The following TMEM132D variants were observed in gnomAD, a reference collection of about 807,000 sequenced individuals.
TMEM132D encodes the protein mature OL transmembrane protein.
In TMEM132D, 21 loss-of-function variants were observed where a neutral mutation model predicts 62.3. The ratio of observed to expected loss-of-function variants is 0.34; its 90% CI spans 0.24 to 0.49. TMEM132D has a LOEUF of 0.49. Among genes scored for constraint, TMEM132D ranks in the 20% least tolerant of loss-of-function variants. The pLI, the probability that TMEM132D is intolerant of heterozygous loss-of-function variation, is 0.99. For synonymous variants in TMEM132D, 621 were observed against 575.6 expected (o/e 1.08, Z -1.13); for missense variants, 1,346 against 1,402.8 (o/e 0.96, Z 0.65).
chr12:129,301,485 C>T (rs1359533555), intron 4 of TMEM132D, among the ~76,000 whole-genome samples: 1 of 152,068 alleles, frequency 6.6e-6, no homozygotes, highest in Non-Finnish European at 1.5e-5. Context: ...AATGTCCATG[C>T]TAATTACTTC....
At chr12:129,713,990 A>C (rs752128894) in intron 1 of TMEM132D, among the ~76,000 whole-genome samples, 3 of 152,168 alleles carry the variant, frequency 2.0e-5, no homozygotes, top group South Asian at 2.1e-4. Flanking sequence ...CACCTTTGGG[A>C]CCCCAGGTAA....
intron 2 of TMEM132D, among the ~76,000 whole-genome samples, chr12:129,698,874 G>C (rs1477652805): frequency 6.6e-6 from 1 of 152,040 alleles, no homozygotes; most frequent in Admixed American, 6.6e-5. Context: ...GGGGGATAGA[G>C]AGCTGGTCAT....
chr12:129,440,160 C>T (rs566277046), intron 3 of TMEM132D, among the ~76,000 whole-genome samples: 1 of 152,292 alleles, frequency 6.6e-6, no homozygotes, highest in Admixed American at 6.5e-5. Flanking sequence ...AAAGCTAGTC[C>T]AACAGGAAAC....
At chr12:129,879,768 G>A (rs879454887) in intron 1 of TMEM132D, among the ~76,000 whole-genome samples, 1 of 152,120 alleles carries the variant, frequency 6.6e-6, no homozygotes, top group Non-Finnish European at 1.5e-5. Flanking sequence ...ACTATGAACA[G>A]AATCAGTGGT....
At chr12:129,756,127 A>G (rs1870160933) in intron 1 of TMEM132D, among the ~76,000 whole-genome samples, 1 of 152,224 alleles carries the variant, frequency 6.6e-6, no homozygotes, top group African/African-American at 2.4e-5. Flanking sequence ...GGATAGAGGT[A>G]GTGGAAATGA....
chr12:129,338,261 G>A (rs1869357118), intron 3 of TMEM132D, among the ~76,000 whole-genome samples: 1 of 152,224 alleles, frequency 6.6e-6, no homozygotes, highest in African/African-American at 2.4e-5. Flanking sequence ...GATGTCTGAG[G>A]GTGACACAGT....
intron 1 of TMEM132D, among the ~76,000 whole-genome samples, chr12:129,813,100 C>T (rs1872236693): frequency 6.6e-6 from 1 of 151,786 alleles, no homozygotes; most frequent in South Asian, 2.1e-4. Flanking sequence ...TCTTGATTTC[C>T]TCCTTTCTCC....
At position 129,074,955 on chromosome 12, in the gene TMEM132D, C is replaced by T. The variant is rs2135605372; in HGVS notation, c.2220G>A (p.Glu740=). Reference sequence around the variant, plus strand: ...GGTCTTGGTGGATGGAGACTACCTTCTCATCCAAAGATGTGGCCATCAAGG... The same window carrying T: ...GGTCTTGGTGGATGGAGACTACCTTTTCATCCAAAGATGTGGCCATCAAGG... ...DFSLMATSLD[E]KVVSIHQDPK... is the part of the protein sequence containing the mutation. Residue 740 remains glutamate, a synonymous_variant, in exon 9 of 9, where the codon GAG becomes GAA. Coordinates refer to ENST00000422113, the MANE Select transcript of TMEM132D (RefSeq NM_133448.3). 1 of 1,614,066 alleles carries T rather than the reference C, an allele frequency of 6.2e-7. No homozygotes were observed. The highest frequency in any genetic ancestry group is 8.5e-7 in the Non-Finnish European group (1 of 1,180,020).
At chr12:129,641,240 T>G (rs1879633877) in intron 2 of TMEM132D, among the ~76,000 whole-genome samples, 1 of 152,138 alleles carries the variant, frequency 6.6e-6, no homozygotes, top group African/African-American at 2.4e-5. Context: ...AAAAAGACAG[T>G]AGGAAGCCCT....
chr12:129,081,049 G>A (rs1272222443), intron 7 of TMEM132D, among the ~76,000 whole-genome samples: 2 of 152,208 alleles, frequency 1.3e-5, no homozygotes, highest in Non-Finnish European at 2.9e-5. Context: ...ATATCCTGAA[G>A]CCGTGGGAAG....
chr12:129,614,992 CAGA>C (rs1878876379), intron 2 of TMEM132D, among the ~76,000 whole-genome samples: 1 of 152,186 alleles, frequency 6.6e-6, no homozygotes, highest in Non-Finnish European at 1.5e-5. Flanking sequence ...CTCTTGTAAT[CAGA>C]AGCACACTTG....
chr12:129,292,243 G>A (rs984748247), intron 4 of TMEM132D, among the ~76,000 whole-genome samples: 2 of 152,196 alleles, frequency 1.3e-5, no homozygotes, highest in African/African-American at 2.4e-5. Context: ...TAGGCAAGAA[G>A]CTTGGTCTTC....
In TMEM132D at chr12:129,801,199, G is replaced by A. The variant is rs564919419; in HGVS notation, c.80-100501C>T. Among the ~76,000 whole-genome samples, 886 of 152,324 alleles carry A rather than the reference G, an allele frequency of 5.8e-3. 10 individuals are homozygous for A. The highest frequency in any genetic ancestry group is 0.02 in the African/African-American group (845 of 41,582). The stretch of plus-strand genomic sequence containing the variant: ...ACAAAGCAGCCGGGAAGCTCCAACT[G>A]GGTGGAGCCCACCACAGCTCAAGGA... On this transcript the variant is annotated intron_variant, in intron 1 of 8. Coordinates refer to ENST00000422113, the MANE Select transcript of TMEM132D (RefSeq NM_133448.3).
At chr12:129,727,637 T>C (rs1869084940) in intron 1 of TMEM132D, among the ~76,000 whole-genome samples, 1 of 152,144 alleles carries the variant, frequency 6.6e-6, no homozygotes, top group South Asian at 2.1e-4. Flanking sequence ...GGGTCTCTCC[T>C]CCCTCTCTCA....
chr12:129,136,327 G>A (rs1359026783), intron 5 of TMEM132D, among the ~76,000 whole-genome samples: 1 of 152,174 alleles, frequency 6.6e-6, no homozygotes, highest in Non-Finnish European at 1.5e-5. Flanking sequence ...TTGCCCAAGT[G>A]TCTTTACGTG....
intron 2 of TMEM132D, among the ~76,000 whole-genome samples, chr12:129,593,316 C>G (rs1299777955): frequency 6.6e-6 from 1 of 152,108 alleles, no homozygotes; most frequent in East Asian, 1.9e-4. Flanking sequence ...AAAACTATCC[C>G]AACTCAAGGA....
In TMEM132D at chr12:129,568,074, C is replaced by G. The variant is rs142277923; in HGVS notation, c.969-36869G>C. ...TTCTGTTCACTCTGGCATGAGGTGT[C>G]TATTACAGGAGCTCTAAGTGGGGAG... On this transcript the variant is annotated intron_variant, in intron 2 of 8. Coordinates refer to ENST00000422113, the MANE Select transcript of TMEM132D (RefSeq NM_133448.3). Among the ~76,000 whole-genome samples, 159 of 152,310 alleles carry G rather than the reference C, an allele frequency of 1.0e-3. 1 individual carries two copies. The highest frequency in any genetic ancestry group is 3.5e-3 in the African/African-American group (147 of 41,572).
In TMEM132D at chr12:129,873,062, G is replaced by C. The variant is rs1308684791; in HGVS notation, c.79+30199C>G. ...TTGAAAGACCCTGAGCAAGTCACGC[G>C]CCTGGAGTCTGATAGACCCATTACA... On this transcript the variant is annotated intron_variant, in intron 1 of 8. Transcript: ENST00000422113. Among the ~76,000 whole-genome samples, 16 of 152,268 alleles carry C rather than the reference G, an allele frequency of 1.1e-4. No individual in the cohort carries two copies. The South Asian group carries it at 3.3e-3, about 32-fold the overall frequency.
At chr12:129,732,588 C>T (rs116941683) in intron 1 of TMEM132D, among the ~76,000 whole-genome samples, 2,607 of 152,266 alleles carry the variant, frequency 0.017, 105 homozygotes, top group East Asian at 0.13. Context: ...GCTTTCTCCA[C>T]GTGAGATGCC....
Sources: gnomAD v4.1 joint callset for allele counts (sites outside exome capture counted in the v4.1 genomes callset) on GRCh38, gnomAD v4.1.1 for gene constraint, MANE v1.5 for transcripts, NCBI Gene and HGNC (gene_info 2026-07-23, HGNC 2026-07-21) for gene names.